Variants in PTPN3 observed in about 807,000 individuals in gnomAD.
The protein encoded by PTPN3 is protein tyrosine phosphatase non-receptor type 3.
In PTPN3, 96 loss-of-function variants were observed where a neutral mutation model predicts 132.7. The ratio of observed to expected loss-of-function variants is 0.72; its 90% CI spans 0.61 to 0.86. PTPN3 has a LOEUF of 0.86. Among genes scored for constraint, PTPN3 ranks in the 40% least tolerant of loss-of-function variants. The pLI, the probability that PTPN3 is intolerant of heterozygous loss-of-function variation, is 0.00. For missense variants in PTPN3, 1,125 were observed against 1,159.6 expected, an observed-to-expected ratio of 0.97 and a Z score of 0.43; for synonymous variants, 398 against 429.0, an observed-to-expected ratio of 0.93 and a Z score of 0.89.
At chr9:109,490,870 C>A (rs371059284) in intron 1 of PTPN3, among the ~76,000 whole-genome samples, 2 of 94,084 alleles carry the variant, frequency 2.1e-5, no homozygotes, top group Middle Eastern at 6.5e-3. Context: ...TTTTTTTTTG[C>A]TATAAAAAAG....
At chr9:109,451,900 C>T (rs913899814) in intron 5 of PTPN3, among the ~76,000 whole-genome samples, 10 of 152,152 alleles carry the variant, frequency 6.6e-5, no homozygotes, top group East Asian at 1.9e-4. Flanking sequence ...TAGGCAGTGC[C>T]GTCCAGACTT....
the PTPN3 span, among the ~76,000 whole-genome samples, chr9:109,515,316 T>C: frequency 1.3e-4 from 20 of 152,290 alleles, no homozygotes; most frequent in East Asian, 1.4e-3. Context: ...TGAGCCACCA[T>C]GCCTAGCACA....
chr9:109,462,832 C>T lies in PTPN3; in HGVS notation c.138+465G>A, dbSNP rs1054157218. Among the ~76,000 whole-genome samples, 4 of 152,062 alleles carry T rather than the reference C, an allele frequency of 2.6e-5. No individual in the cohort carries two copies. In the South Asian group the frequency reaches 6.2e-4, roughly 24 times the overall value. On this transcript the variant is annotated intron_variant, in intron 2 of 25. Coordinates refer to ENST00000374541, the MANE Select transcript of PTPN3 (RefSeq NM_002829.4). Reference sequence around the variant, plus strand: ...TGTGTGCCCAGCTTTGTGCCAGGCACGGGGGAAACAACACCCTTTCTATTC... The same window carrying T: ...TGTGTGCCCAGCTTTGTGCCAGGCATGGGGGAAACAACACCCTTTCTATTC...
intron 22 of PTPN3, 131 bp downstream of exon 22, chr9:109,389,102 G>A (rs558594675): frequency 1.6e-6 from 2 of 1,234,466 alleles, no homozygotes; most frequent in African/African-American, 1.5e-5. Context: ...TGGTTGCTCT[G>A]TAGAGGAGAC....
Position 109,454,553 on chromosome 9 carries a change from T to C in PTPN3, c.311A>G (p.His104Arg). 5 of 1,613,670 alleles carry C rather than the reference T, an allele frequency of 3.1e-6. No individual in the cohort carries two copies. Among genetic ancestry groups the C allele is most frequent in the Non-Finnish European group, 4.2e-6 (5 of 1,179,824 alleles). The change falls in exon 5 of 26, where the codon CAT becomes CGT. Residue 104 changes from histidine (H) to arginine (R), a missense_variant. Transcript: ENST00000374541. ...AGGTATAAAAAATCTTACTCGAAAA[T>C]GCAGGGTACAGGGGAAACCTCCTAC... ...QLKGGFPCTLHFRVRFFIPDP... is the reference protein window; with the variant it reads ...QLKGGFPCTLRFRVRFFIPDP...
intron 5 of PTPN3, among the ~76,000 whole-genome samples, chr9:109,453,889 C>G (rs1845418039): frequency 6.6e-6 from 1 of 151,668 alleles, no homozygotes; most frequent in African/African-American, 2.4e-5. Context: ...GTGGTACCTG[C>G]CTGTAATCCT....
In PTPN3 at chr9:109,428,694, A is replaced by T. The variant is rs1472885597; in HGVS notation, c.765-10T>A. ...TTTGAGAATGTTCACCCTTCAAAAA[A>T]TAAAACAAAACACAAACAAAGCACA... On this transcript the variant is annotated splice_polypyrimidine_tract_variant and intron_variant, in intron 10 of 25. Transcript: ENST00000374541. The T allele has an allele frequency of 6.2e-7, 1 of 1,611,448 alleles. No individual in the cohort carries two copies. Among genetic ancestry groups the T allele is most frequent in the African/African-American group, 1.3e-5 (1 of 74,906 alleles).
chr9:109,451,523 C>A, intron 5 of PTPN3: 2 of 553,234 alleles, frequency 3.6e-6, no homozygotes, highest in Non-Finnish European at 4.6e-6. Flanking sequence ...ATTCTACGAC[C>A]CTGCACATCT....
chr9:109,519,790 C>A, the PTPN3 span, among the ~76,000 whole-genome samples: 27,634 of 152,152 alleles, frequency 0.18, 2,934 homozygotes, highest in East Asian at 0.5. Context: ...ACGCACTTAA[C>A]CCTGACAGCC....
chr9:109,408,792 A>AT (rs1485415942), intron 16 of PTPN3, among the ~76,000 whole-genome samples: 1,511 of 62,310 alleles, frequency 0.024, 20 homozygotes, highest in South Asian at 0.066. Context: ...AAAAAAAAAA[A>AT]AAAAATATAT....
At chr9:109,495,161 T>C (rs142169581) in intron 1 of PTPN3, among the ~76,000 whole-genome samples, 2,044 of 152,336 alleles carry the variant, frequency 0.013, 41 homozygotes, top group African/African-American at 0.047. Context: ...GAAGAGCTGA[T>C]GCTGGGTAGG....
chr9:109,487,408 C>G (rs568548505), intron 1 of PTPN3, among the ~76,000 whole-genome samples: 2 of 152,312 alleles, frequency 1.3e-5, no homozygotes, highest in East Asian at 3.9e-4. Flanking sequence ...CAGCGGACCT[C>G]AAAGGACAGT....
intron 6 of PTPN3, among the ~76,000 whole-genome samples, chr9:109,447,154 A>G (rs779946344): frequency 1.1e-4 from 17 of 152,200 alleles, no homozygotes; most frequent in Non-Finnish European, 2.1e-4. Context: ...TCACATGGAA[A>G]TAACAAGGGG....
intron 9 of PTPN3, among the ~76,000 whole-genome samples, chr9:109,434,213 G>A (rs972063295): frequency 1.3e-5 from 2 of 152,212 alleles, no homozygotes; most frequent in Non-Finnish European, 2.9e-5. Context: ...GTGCACACGT[G>A]GCTCACTGCA....
chr9:109,407,745 T>C (rs573080382), intron 17 of PTPN3, among the ~76,000 whole-genome samples: 3 of 152,184 alleles, frequency 2.0e-5, no homozygotes, highest in Non-Finnish European at 2.9e-5. Flanking sequence ...GGTTTCACCC[T>C]GTTGGCCAGG....
Position 109,383,516 on chromosome 9 carries a change from G to C in PTPN3, c.2289C>G (p.Asp763Glu). The C allele has an allele frequency of 6.2e-7, 1 of 1,614,096 alleles. No individual in the cohort carries two copies. Among genetic ancestry groups the C allele is most frequent in the Non-Finnish European group, 8.5e-7 (1 of 1,180,020 alleles). ...KCHQYWPDPP[D>E]VMNHGGFHIQ... ...TGTGAAAGCCGCCGTGGTTCATGAC[G>C]TCGGGGGGATCTGGCCAGTACTGGT... Residue 763 changes from aspartate to glutamate, a missense_variant, in exon 23 of 26, where the codon GAC becomes GAG. Coordinates refer to ENST00000374541, the MANE Select transcript of PTPN3 (RefSeq NM_002829.4).
intron 14 of PTPN3, among the ~76,000 whole-genome samples, chr9:109,415,228 T>C (rs1842403108): frequency 6.6e-6 from 1 of 152,136 alleles, no homozygotes; most frequent in Non-Finnish European, 1.5e-5. Flanking sequence ...GAATTCACTG[T>C]CCAAAGGAGA....
chr9:109,444,519 T>C (rs1844718360), intron 7 of PTPN3, among the ~76,000 whole-genome samples: 1 of 152,154 alleles, frequency 6.6e-6, no homozygotes, highest in South Asian at 2.1e-4. Flanking sequence ...TCCAGACTGA[T>C]TTTCAAAGAC....
At chr9:109,395,144 TA>T (rs36091037) in intron 19 of PTPN3, among the ~76,000 whole-genome samples, 286 of 134,686 alleles carry the variant, frequency 2.1e-3, no homozygotes, top group Middle Eastern at 0.012. Context: ...CATCTCAATT[TA>T]AAAAAAAAAA....
Sources: allele counts gnomAD v4.1 joint callset (sites outside exome capture counted in the v4.1 genomes callset), GRCh38; gene constraint gnomAD v4.1.1; transcripts MANE v1.5; gene names NCBI Gene and HGNC (gene_info 2026-07-23, HGNC 2026-07-21).